Variants in INPP4B observed in about 807,000 individuals in gnomAD.
The protein encoded by INPP4B is inositol polyphosphate-4-phosphatase type II B, also known as inositol polyphosphate 4-phosphatase type II.
A neutral mutation model predicts 122.5 loss-of-function variants in INPP4B; 55 were observed. The ratio of observed to expected loss-of-function variants is 0.45; its 90% confidence interval spans 0.36 to 0.56. INPP4B has a LOEUF of 0.56. Among genes scored for constraint, INPP4B ranks in the 20% least tolerant of loss-of-function variants. INPP4B has a pLI of 0.00. For synonymous variants in INPP4B, 403 were observed against 388.7 expected, an observed-to-expected ratio of 1.04 and a Z score of -0.43; for missense variants, 1,000 against 1,097.7, an observed-to-expected ratio of 0.91 and a Z score of 1.26.
intron 18 of INPP4B, among the ~76,000 whole-genome samples, chr4:142,132,007 C>T (rs1216139187): frequency 6.6e-6 from 1 of 151,666 alleles, no homozygotes; most frequent in African/African-American, 2.4e-5. Context: ...TGGATGAGAG[C>T]TATCATCTCC....
chr4:142,305,754 G>A, intron 8 of INPP4B: 1 of 1,372,924 alleles, frequency 7.3e-7, no homozygotes, highest in Non-Finnish European at 9.4e-7. Flanking sequence ...AAAGAAAAGA[G>A]ACCAACAGGC....
At chr4:142,139,189 A>G (rs1291464714) in intron 18 of INPP4B, among the ~76,000 whole-genome samples, 2 of 152,250 alleles carry the variant, frequency 1.3e-5, no homozygotes, top group African/African-American at 4.8e-5. Context: ...AATGAATGAA[A>G]GAATTTTCTT....
intron 25 of INPP4B, among the ~76,000 whole-genome samples, chr4:142,048,344 G>A (rs1475042935): frequency 1.3e-5 from 2 of 152,078 alleles, no homozygotes; most frequent in African/African-American, 4.8e-5. Flanking sequence ...CATAATTGGA[G>A]AGTAATAGGT....
chr4:142,655,406 C>T (rs887131666), intron 2 of INPP4B, among the ~76,000 whole-genome samples: 30 of 152,172 alleles, frequency 2.0e-4, no homozygotes, highest in Non-Finnish European at 3.7e-4. Flanking sequence ...GAACCAAACT[C>T]TTTCAGACCT....
At chr4:142,302,903 C>A (rs578172103) in intron 9 of INPP4B, among the ~76,000 whole-genome samples, 1 of 152,170 alleles carries the variant, frequency 6.6e-6, no homozygotes, top group African/African-American at 2.4e-5. Context: ...AACCCAAGTC[C>A]ATTTGAGATG....
chr4:142,796,868 ATGTGTGTGTGTGTG>A (rs34860975), intron 1 of INPP4B, among the ~76,000 whole-genome samples: 10 of 105,386 alleles, frequency 9.5e-5, no homozygotes, highest in Non-Finnish European at 2.0e-4. Flanking sequence ...CGGAAAACAG[ATGTGTGTGTGTGTG>A]TGTGTGTGTG....
intron 2 of INPP4B, among the ~76,000 whole-genome samples, chr4:142,644,665 G>A (rs578223479): frequency 2.2e-3 from 334 of 150,546 alleles, no homozygotes; most frequent in African/African-American, 7.5e-3. Context: ...GAGAGGCTGA[G>A]GTGGGCTGGG....
intron 2 of INPP4B, among the ~76,000 whole-genome samples, chr4:142,490,399 C>G (rs1466747711): frequency 4.6e-5 from 7 of 151,984 alleles, no homozygotes; most frequent in Non-Finnish European, 7.4e-5. Flanking sequence ...ACCTGTATGC[C>G]TGGTCTATTG....
At chr4:142,461,718 G>A (rs142177564) in intron 3 of INPP4B, among the ~76,000 whole-genome samples, 9 of 152,236 alleles carry the variant, frequency 5.9e-5, no homozygotes, top group African/African-American at 1.2e-4. Context: ...TGCATATTCC[G>A]AAGAGGTAAA....
chr4:142,491,635 C>CAACA (rs1821888638), intron 2 of INPP4B, among the ~76,000 whole-genome samples: 1 of 152,048 alleles, frequency 6.6e-6, no homozygotes, highest in South Asian at 2.1e-4. Flanking sequence ...CCAGCCTGGG[C>CAACA]AACAGAGTGA....
chr4:142,545,805 ACACATATACATGTGTG>A (rs202183142), intron 2 of INPP4B, among the ~76,000 whole-genome samples: 1,351 of 85,340 alleles, frequency 0.016, 24 homozygotes, highest in East Asian at 0.076. Flanking sequence ...GTATATATAT[ACACATATACATGTGTG>A]TATATATATA....
intron 2 of INPP4B, among the ~76,000 whole-genome samples, chr4:142,596,165 A>G (rs1738652222): frequency 6.6e-6 from 1 of 152,114 alleles, no homozygotes; most frequent in South Asian, 2.1e-4. Context: ...TTTTTAATAA[A>G]AAAAGACCAC....
chr4:142,631,209 G>A (rs1747876169), intron 2 of INPP4B, among the ~76,000 whole-genome samples: 1 of 151,992 alleles, frequency 6.6e-6, no homozygotes, highest in African/African-American at 2.4e-5. Flanking sequence ...AGAGACAGAA[G>A]GACAAGACTG....
intron 2 of INPP4B, among the ~76,000 whole-genome samples, chr4:142,540,826 AGAAAACATTGGG>A (rs1029687870): frequency 6.6e-6 from 1 of 152,234 alleles, no homozygotes; most frequent in African/African-American, 2.4e-5. Context: ...ACTTTATAGA[AGAAAACATTGGG>A]GTTAAATAGT....
At chr4:142,439,868 A>G (rs894720842) in intron 3 of INPP4B, among the ~76,000 whole-genome samples, 6 of 152,156 alleles carry the variant, frequency 3.9e-5, no homozygotes, top group Non-Finnish European at 8.8e-5. Context: ...TTCAAATTCT[A>G]TGGGCCAGGT....
intron 2 of INPP4B, among the ~76,000 whole-genome samples, chr4:142,472,021 T>C (rs1241241201): frequency 6.6e-6 from 1 of 152,194 alleles, no homozygotes; most frequent in Non-Finnish European, 1.5e-5. Context: ...AGTACGCTTA[T>C]TGAGTAAGTT....
At chr4:142,428,225 T>C (rs955712938) in intron 5 of INPP4B, among the ~76,000 whole-genome samples, 1 of 151,128 alleles carries the variant, frequency 6.6e-6, no homozygotes, top group African/African-American at 2.4e-5. Context: ...TTCCAACCAC[T>C]AAAACCCAGT....
chr4:142,159,707 G>A (rs1203657882), intron 17 of INPP4B, among the ~76,000 whole-genome samples: 2 of 151,900 alleles, frequency 1.3e-5, no homozygotes, highest in Non-Finnish European at 2.9e-5. Flanking sequence ...ATAACACCCT[G>A]TTCCTCTGCC....
chr4:142,684,526 A>C (rs1438272688), intron 2 of INPP4B, among the ~76,000 whole-genome samples: 1 of 152,014 alleles, frequency 6.6e-6, no homozygotes, highest in Non-Finnish European at 1.5e-5. Flanking sequence ...CTACTTAGGC[A>C]AAAGGACTCC....
Sources: gnomAD v4.1 joint callset for allele counts (sites outside exome capture counted in the v4.1 genomes callset) on GRCh38, gnomAD v4.1.1 for gene constraint, MANE v1.5 for transcripts, NCBI Gene and HGNC (gene_info 2026-07-23, HGNC 2026-07-21) for gene names.